Variants in FTCDNL1 observed in about 807,000 individuals in gnomAD.
FTCDNL1 encodes the protein formiminotransferase N-terminal subdomain-containing protein.
A neutral mutation model predicts 5.9 loss-of-function variants in FTCDNL1; 11 were observed. The observed-to-expected ratio is 1.87, with a 90% confidence interval of 1.18 to 3.10. The LOEUF (loss-of-function observed/expected upper bound fraction) is 3.10. FTCDNL1 is among the 30% of genes most tolerant of loss of function. The probability of loss-of-function intolerance (pLI) is 0.00; values close to 1 mark genes in which losing one functional copy is unlikely to be tolerated. For missense variants in FTCDNL1, 115 were observed against 65.5 expected (o/e 1.76, Z -2.61); for synonymous variants, 58 against 24.8 (o/e 2.34, Z -3.99).
At chr2:199,837,143 T>A (rs1702805420) in intron 3 of FTCDNL1, among the ~76,000 whole-genome samples, 2 of 152,248 alleles carry the variant, frequency 1.3e-5, no homozygotes, top group African/African-American at 4.8e-5. Flanking sequence ...GGTAGACTCC[T>A]CTTGCATTTA....
At chr2:199,712,932 T>C in the FTCDNL1 span, among the ~76,000 whole-genome samples, 5 of 152,202 alleles carry the variant, frequency 3.3e-5, no homozygotes, top group Non-Finnish European at 5.9e-5. Flanking sequence ...CCAAATAAGG[T>C]CACATTCTGA....
intron 3 of FTCDNL1, among the ~76,000 whole-genome samples, chr2:199,787,613 C>T (rs2106349594): frequency 6.6e-6 from 1 of 152,282 alleles, no homozygotes; most frequent in African/African-American, 2.4e-5. Context: ...ACTTGCAGAA[C>T]TCGTGTCAGA....
At chr2:199,670,644 C>T in the FTCDNL1 span, among the ~76,000 whole-genome samples, 1 of 152,070 alleles carries the variant, frequency 6.6e-6, no homozygotes, top group Non-Finnish European at 1.5e-5. Context: ...AACTCACAGA[C>T]TTTGTATGTA....
chr2:199,796,752 T>A (rs1477627295), intron 3 of FTCDNL1, among the ~76,000 whole-genome samples: 1 of 152,258 alleles, frequency 6.6e-6, no homozygotes, highest in South Asian at 2.1e-4. Context: ...TTTCCTTTTG[T>A]TAAGTAGTAT....
intron 4 of FTCDNL1, 27 bp from the exon 5 acceptor site, chr2:199,812,751 T>C (rs1372267905): frequency 1.4e-6 from 1 of 697,906 alleles, no homozygotes; most frequent in African/African-American, 1.8e-5. Context: ...AAATCTTTGG[T>C]ATGATTTCGT....
intron 3 of FTCDNL1, among the ~76,000 whole-genome samples, chr2:199,820,980 C>T (rs1701646582): frequency 6.6e-6 from 1 of 152,092 alleles, no homozygotes; most frequent in African/African-American, 2.4e-5. Context: ...CCTCTGGCCA[C>T]AATAAGCATA....
intron 3 of FTCDNL1, among the ~76,000 whole-genome samples, chr2:199,773,803 ATTG>A (rs1010349407): frequency 1.3e-5 from 2 of 152,142 alleles, no homozygotes; most frequent in African/African-American, 4.8e-5. Context: ...CATTATGATA[ATTG>A]CATTGCATCT....
chr2:199,721,292 C>T, the FTCDNL1 span, among the ~76,000 whole-genome samples: 4 of 152,236 alleles, frequency 2.6e-5, no homozygotes, highest in East Asian at 7.7e-4. Flanking sequence ...TCCCAACAGG[C>T]TCCAGTATGT....
intron 3 of FTCDNL1, among the ~76,000 whole-genome samples, chr2:199,843,139 G>C (rs1373477867): frequency 4.6e-5 from 7 of 152,110 alleles, no homozygotes; most frequent in Non-Finnish European, 5.9e-5. Context: ...GAATGCAGCT[G>C]AGCTCTCATT....
At chr2:199,764,816 C>A (rs999728644) in intron 3 of FTCDNL1, among the ~76,000 whole-genome samples, 2 of 152,190 alleles carry the variant, frequency 1.3e-5, no homozygotes, top group Non-Finnish European at 2.9e-5. Context: ...ACAAATAGGA[C>A]CTTCCAAGAC....
At chr2:199,790,787 C>G (rs1462413996) in intron 3 of FTCDNL1, among the ~76,000 whole-genome samples, 1 of 152,082 alleles carries the variant, frequency 6.6e-6, no homozygotes, top group Non-Finnish European at 1.5e-5. Flanking sequence ...TAAAGAGAAT[C>G]ATATTTAATT....
At chr2:199,704,044 C>T in the FTCDNL1 span, among the ~76,000 whole-genome samples, 67 of 152,148 alleles carry the variant, frequency 4.4e-4, no homozygotes, top group Middle Eastern at 0.014. Flanking sequence ...TCTGACGGCC[C>T]CTCAGAGGAC....
the FTCDNL1 span, among the ~76,000 whole-genome samples, chr2:199,736,344 C>T: frequency 6.6e-6 from 1 of 152,264 alleles, no homozygotes; most frequent in African/African-American, 2.4e-5. Flanking sequence ...GATCATTTAC[C>T]TGCCTTAGTC....
chr2:199,698,946 C>A, the FTCDNL1 span, among the ~76,000 whole-genome samples: 88 of 152,240 alleles, frequency 5.8e-4, no homozygotes, highest in African/African-American at 2.0e-3. Flanking sequence ...TTACCACTGA[C>A]CTCACAGAAA....
chr2:199,757,412 G>A (rs190310082), downstream of FTCDNL1, among the ~76,000 whole-genome samples: 160 of 152,274 alleles, frequency 1.1e-3, no homozygotes, highest in African/African-American at 3.5e-3. Flanking sequence ...AGCTCCAGGC[G>A]GTTCCAGCTA....
downstream of FTCDNL1, among the ~76,000 whole-genome samples, chr2:199,807,430 G>C (rs1700785838): frequency 6.6e-6 from 1 of 152,102 alleles, no homozygotes; most frequent in Admixed American, 6.6e-5. Flanking sequence ...CTGAGCTCAG[G>C]AGTTCAAGAC....
the FTCDNL1 span, among the ~76,000 whole-genome samples, chr2:199,688,068 G>A: frequency 4.6e-5 from 7 of 151,722 alleles, no homozygotes; most frequent in South Asian, 2.1e-4. Flanking sequence ...GCAACATAGC[G>A]AAACCCCATC....
At chr2:199,701,743 G>A in the FTCDNL1 span, among the ~76,000 whole-genome samples, 643 of 152,242 alleles carry the variant, frequency 4.2e-3, 7 homozygotes, top group African/African-American at 0.015. Flanking sequence ...ACTTATAAGC[G>A]GGAGCTAGGC....
At chr2:199,815,719 T>C (rs576930905) in intron 4 of FTCDNL1, among the ~76,000 whole-genome samples, 90 of 152,224 alleles carry the variant, frequency 5.9e-4, no homozygotes, top group Admixed American at 9.8e-4. Flanking sequence ...AAGCGATTTA[T>C]GGCCAGGCAC....
Sources: gnomAD v4.1 joint callset for allele counts (sites outside exome capture counted in the v4.1 genomes callset) on GRCh38, gnomAD v4.1.1 for gene constraint, MANE v1.5 for transcripts, NCBI Gene and HGNC (gene_info 2026-07-23, HGNC 2026-07-21) for gene names.